The following SDK1 variants were observed in gnomAD, a reference collection of about 807,000 sequenced individuals.
The protein encoded by SDK1 is protein sidekick-1.
A neutral mutation model predicts 245.5 loss-of-function variants in SDK1; 157 were observed. The observed-to-expected ratio is 0.64, with a 90% confidence interval of 0.56 to 0.73. The LOEUF (loss-of-function observed/expected upper bound fraction) is 0.73, where lower values mean the gene tolerates loss of function less well. SDK1 is among the 30% of genes least tolerant of loss of function. The pLI, the probability that SDK1 is intolerant of heterozygous loss-of-function variation, is 0.00. For missense variants in SDK1, 3,583 were observed against 3,002.3 expected, an observed-to-expected ratio of 1.19 and a Z score of -4.52; for synonymous variants, 1,647 against 1,278.5, an observed-to-expected ratio of 1.29 and a Z score of -6.15.
intron 30 of SDK1, among the ~76,000 whole-genome samples, chr7:4,156,335 T>C (rs1413042992): frequency 6.6e-6 from 1 of 152,182 alleles, no homozygotes; most frequent in Non-Finnish European, 1.5e-5. Context: ...GGAAATTGTT[T>C]GTTTTAACTT....
At chr7:3,999,377 A>G (rs1039957805) in intron 14 of SDK1, among the ~76,000 whole-genome samples, 2 of 152,118 alleles carry the variant, frequency 1.3e-5, no homozygotes, top group Non-Finnish European at 2.9e-5. Context: ...CACAAAATTA[A>G]ATCACAAATC....
intron 35 of SDK1, among the ~76,000 whole-genome samples, chr7:4,204,126 C>A (rs17134567): frequency 1.3e-5 from 2 of 152,120 alleles, no homozygotes; most frequent in African/African-American, 4.8e-5. Flanking sequence ...GATGTCTCAC[C>A]GACTACCAGG....
chr7:4,219,719 G>C (rs1360287644), intron 38 of SDK1, among the ~76,000 whole-genome samples: 2 of 152,088 alleles, frequency 1.3e-5, no homozygotes, highest in Admixed American at 1.3e-4. Context: ...AGTGACACCA[G>C]ACTTTGCACA....
At position 3,619,142 on chromosome 7, in the gene SDK1, C is replaced by T. The variant is rs770324315; in HGVS notation, c.361C>T (p.Arg121Cys). The T allele has an allele frequency of 1.1e-5, 17 of 1,613,360 alleles. 1 individual carries two copies. The East Asian group carries it at 1.1e-4, about 11-fold the overall frequency. ...GLPQIHLEGN[R>C]LVLTCLAEGS... ...ACCACAGATCCACCTGGAAGGGAAC[C>T]GCCTTGTTCTCACCTGCCTTGCCGA... The change falls in exon 2 of 45, where the codon CGC (arginine) becomes TGC (cysteine). Residue 121 changes from arginine (R) to cysteine (C), a missense_variant. Physicochemically the swap from Arg to Cys is radical, Grantham distance 180. Coordinates refer to ENST00000404826, the MANE Select transcript of SDK1 (RefSeq NM_152744.4).
intron 6 of SDK1, 64 bp from the exon 7 acceptor site, chr7:3,951,666 G>A: frequency 1.4e-6 from 2 of 1,472,714 alleles, no homozygotes; most frequent in Non-Finnish European, 1.9e-6. Context: ...GAGTGCCTGA[G>A]ATGATGACCG....
Position 4,077,957 on chromosome 7 carries a change from A to C in SDK1, c.3202+768A>C, listed in dbSNP as rs570609311. Reference sequence around the variant, plus strand: ...CGACCAAGGTTAACACTAGAAGCACATCTGGGTGCAAGTTACCAGAGTTTT... The same window carrying C: ...CGACCAAGGTTAACACTAGAAGCACCTCTGGGTGCAAGTTACCAGAGTTTT... On this transcript the variant is annotated intron_variant, in intron 21 of 44. Transcript: ENST00000404826. Among the ~76,000 whole-genome samples the C allele has an allele frequency of 2.0e-5, 3 of 152,362 alleles. No individual in the cohort carries two copies. The South Asian group carries it at 6.2e-4, about 32-fold the overall frequency.
At position 4,127,797 on chromosome 7, in the gene SDK1, G is replaced by C. The variant is rs148693623; in HGVS notation, c.3939+301G>C. ...CTGCCCTCGCTGGCCTCAGTGCCGCGGGCCAGTTACTGAAGCCCTGTGCTT... is the reference window on the plus strand; with the variant it reads ...CTGCCCTCGCTGGCCTCAGTGCCGCCGGCCAGTTACTGAAGCCCTGTGCTT... On this transcript the variant is annotated intron_variant, in intron 26 of 44. Transcript: ENST00000404826. 9.1e-3 allele frequency among the ~76,000 whole-genome samples: 1,380 copies of C among 152,336 alleles called. 26 individuals are homozygous for C. Among genetic ancestry groups the C allele is most frequent in the African/African-American group, 0.031 (1,304 of 41,566 alleles).
chr7:3,663,678 A>G (rs905331406), intron 4 of SDK1, among the ~76,000 whole-genome samples: 9 of 152,210 alleles, frequency 5.9e-5, no homozygotes, highest in African/African-American at 1.9e-4. Flanking sequence ...GTCCCTGGGC[A>G]AACCGAGATG....
intron 4 of SDK1, among the ~76,000 whole-genome samples, chr7:3,694,165 C>G (rs765595251): frequency 1.3e-5 from 2 of 152,204 alleles, no homozygotes; most frequent in African/African-American, 4.8e-5. Context: ...TTAGATTGCT[C>G]TTTGCCTCAG....
intron 4 of SDK1, among the ~76,000 whole-genome samples, chr7:3,653,330 T>TG (rs1783066271): frequency 6.6e-6 from 1 of 152,184 alleles, no homozygotes; most frequent in Non-Finnish European, 1.5e-5. Flanking sequence ...TCTGTTTTCT[T>TG]GAAAAACTCG....
intron 1 of SDK1, among the ~76,000 whole-genome samples, chr7:3,485,602 T>C (rs1484354580): frequency 6.6e-6 from 1 of 150,876 alleles, no homozygotes; most frequent in African/African-American, 2.4e-5. Flanking sequence ...TCCCATCTGA[T>C]TTTTAGCTGT....
chr7:3,990,091 C>G (rs79615545), intron 14 of SDK1, among the ~76,000 whole-genome samples: 70 of 152,350 alleles, frequency 4.6e-4, no homozygotes, highest in African/African-American at 1.7e-3. Context: ...GGGCGTTGGT[C>G]TGTGTGGACG....
chr7:4,012,006 C>G, intron 15 of SDK1, 89 bp from the exon 16 acceptor site: 1 of 1,170,626 alleles, frequency 8.5e-7, no homozygotes, highest in Non-Finnish European at 1.1e-6. Context: ...TAGTCAGGCT[C>G]AAGATTCAGC....
intron 4 of SDK1, among the ~76,000 whole-genome samples, chr7:3,789,713 C>G (rs1182750250): frequency 1.3e-5 from 2 of 152,088 alleles, no homozygotes; most frequent in African/African-American, 4.8e-5. Flanking sequence ...ACAAGAAGAT[C>G]AAGTGTGAGG....
At chr7:3,566,315 C>T (rs1018432616) in intron 1 of SDK1, among the ~76,000 whole-genome samples, 9 of 151,330 alleles carry the variant, frequency 5.9e-5, no homozygotes, top group African/African-American at 1.9e-4. Context: ...AGCTCCCCCT[C>T]CCAGGTTCAC....
chr7:3,758,029 A>G (rs1779985959), intron 4 of SDK1, among the ~76,000 whole-genome samples: 1 of 152,184 alleles, frequency 6.6e-6, no homozygotes, highest in African/African-American at 2.4e-5. Context: ...GACCAAACGT[A>G]TCTTTCTCAT....
chr7:4,261,789 C>T (rs969846873), intron 44 of SDK1, among the ~76,000 whole-genome samples: 1 of 152,020 alleles, frequency 6.6e-6, no homozygotes, highest in Non-Finnish European at 1.5e-5. Context: ...TGCCTGACCC[C>T]TGTGAGAGAC....
chr7:3,674,304 C>G (rs1783820235), intron 4 of SDK1, among the ~76,000 whole-genome samples: 1 of 151,948 alleles, frequency 6.6e-6, no homozygotes. Flanking sequence ...GTGTAGTGAG[C>G]ATGGTAATGA....
At chr7:3,799,055 A>T (rs1402881177) in intron 4 of SDK1, among the ~76,000 whole-genome samples, 1 of 152,186 alleles carries the variant, frequency 6.6e-6, no homozygotes, top group African/African-American at 2.4e-5. Context: ...ATTATTTATT[A>T]TTCAATCATT....
Sources: gnomAD v4.1 joint callset for allele counts (sites outside exome capture counted in the v4.1 genomes callset) on GRCh38, gnomAD v4.1.1 for gene constraint, MANE v1.5 for transcripts, NCBI Gene and HGNC (gene_info 2026-07-23, HGNC 2026-07-21) for gene names.